SVIL: variants seen among roughly 807,000 people sequenced by gnomAD.
SVIL encodes supervillin.
Under a neutral mutation model 240.4 loss-of-function variants are expected in SVIL, and 101 were observed. The ratio of observed to expected loss-of-function variants is 0.42; its 90% confidence interval spans 0.36 to 0.50. The LOEUF (loss-of-function observed/expected upper bound fraction) is 0.50, where lower values mean the gene tolerates loss of function less well. Ranked by LOEUF, SVIL falls within the 20% of genes least tolerant of loss-of-function variation. The pLI is 0.01. For synonymous variants in SVIL, 999 were observed against 1,100.0 expected (o/e 0.91, Z 1.82); for missense variants, 2,512 against 2,818.7 (o/e 0.89, Z 2.46).
chr10:29,550,484 A>C (rs1953202199), intron 6 of SVIL, 113 bp downstream of exon 6: 1 of 1,197,604 alleles, frequency 8.4e-7, no homozygotes, highest in East Asian at 2.6e-5. Context: ...ATATTTCTCC[A>C]ATAAGCCTTG....
chr10:29,736,624 C>T (rs1282580163), upstream of SVIL: 1 of 152,534 alleles, frequency 6.6e-6, no homozygotes, highest in Non-Finnish European at 1.5e-5. Flanking sequence ...CGAGACCTTC[C>T]CGGGGGTGCG....
chr10:29,519,295 A>G (rs1950416959), intron 16 of SVIL, among the ~76,000 whole-genome samples: 1 of 152,078 alleles, frequency 6.6e-6, no homozygotes, highest in Non-Finnish European at 1.5e-5. Context: ...CTCACCATGG[A>G]CCAGGGGAGA....
At chr10:29,513,915 C>T (rs1442498963) in intron 16 of SVIL, among the ~76,000 whole-genome samples, 1 of 150,632 alleles carries the variant, frequency 6.6e-6, no homozygotes, top group Non-Finnish European at 1.5e-5. Flanking sequence ...TTTCAGCTAA[C>T]TGTATTGCAT....
At chr10:29,717,895 C>T (rs1963724809) in intron 1 of SVIL, among the ~76,000 whole-genome samples, 1 of 151,802 alleles carries the variant, frequency 6.6e-6, no homozygotes, top group South Asian at 2.1e-4. Flanking sequence ...TATCTGATAG[C>T]TATAACATAC....
chr10:29,512,788 C>T lies in SVIL; in HGVS notation c.3463G>A (p.Ala1155Thr). The part of the protein sequence containing the change: ...RLSRRQEGGK[A>T]PASSLHTQEA... ...TGGGTGTGCAGGCTGCTGGCCGGCG[C>T]CTTGCCGCCCTCCTGCCTCCTGCTG... Residue 1155 changes from alanine to threonine, a missense_variant, in exon 17 of 38, where the codon GCG becomes ACG. This residue lies in a region of SVIL where 1,443 missense variants were observed against 1,486.6 expected (regional missense o/e 0.97). Transcript: ENST00000355867. The T allele has an allele frequency of 6.2e-7, 1 of 1,613,596 alleles. No homozygotes were observed. Among genetic ancestry groups the T allele is most frequent in the Non-Finnish European group, 8.5e-7 (1 of 1,180,030 alleles).
At position 29,498,254 on chromosome 10, in the gene SVIL, T is replaced by C. The variant is rs148387065; in HGVS notation, c.3664+862A>G. 4.7e-3 allele frequency among the ~76,000 whole-genome samples: 714 copies of C among 151,338 alleles called. 6 individuals are homozygous for C. The highest frequency in any genetic ancestry group is 0.017 in the African/African-American group (685 of 41,210). On this transcript the variant is annotated intron_variant, in intron 18 of 37. Coordinates refer to ENST00000355867, the MANE Select transcript of SVIL (RefSeq NM_021738.3). ...CCACATGGTGAAACTCCGTCTGTAT[T>C]AAAAAGATGAAAAATTAGCCAGGCA...
At chr10:29,622,600 C>T (rs1172843911) in intron 1 of SVIL, among the ~76,000 whole-genome samples, 1 of 152,180 alleles carries the variant, frequency 6.6e-6, no homozygotes, top group Non-Finnish European at 1.5e-5. Flanking sequence ...CACATCACAG[C>T]CCTGGTTCCC....
intron 1 of SVIL, among the ~76,000 whole-genome samples, chr10:29,601,204 T>C (rs1046307376): frequency 3.9e-5 from 6 of 152,134 alleles, no homozygotes; most frequent in Non-Finnish European, 5.9e-5. Flanking sequence ...AAAAAAAATT[T>C]CCCCCTGGAT....
chr10:29,540,241 G>A (rs913774678), intron 6 of SVIL, among the ~76,000 whole-genome samples: 3 of 152,106 alleles, frequency 2.0e-5, no homozygotes, highest in Non-Finnish European at 4.4e-5. Flanking sequence ...TCCCCGATCT[G>A]TGGTCTCACT....
At position 29,488,645 on chromosome 10, in the gene SVIL, T is replaced by C. The variant is rs775792046; in HGVS notation, c.4304A>G (p.Asn1435Ser). ...CAGCCTCTTGTAGGGCACGGCGCTG[T>C]TGTTAGAGTTCTGTTCCGTCAGGTT... Reference protein sequence around the residue: ...SVNLTEQNSNNSAVPYKRLML... With the variant: ...SVNLTEQNSNSSAVPYKRLML... The change falls in exon 23 of 38, where the codon AAC becomes AGC. Residue 1435 changes from asparagine (N) to serine (S), a missense_variant. Asn to Ser is a conservative substitution (Grantham distance 46). Coordinates refer to ENST00000355867, the MANE Select transcript of SVIL (RefSeq NM_021738.3). The C allele has an allele frequency of 1.2e-6, 2 of 1,612,618 alleles. No individual in the cohort carries two copies. Among genetic ancestry groups the C allele is most frequent in the Admixed American group, 1.7e-5 (1 of 59,756 alleles).
chr10:29,718,086 G>C (rs1963738395), intron 1 of SVIL, among the ~76,000 whole-genome samples: 1 of 152,088 alleles, frequency 6.6e-6, no homozygotes, highest in Non-Finnish European at 1.5e-5. Flanking sequence ...CCAGCACTTT[G>C]GGAGGCCGAG....
chr10:29,709,706 G>T (rs80002021), intron 1 of SVIL, among the ~76,000 whole-genome samples: 2,255 of 152,268 alleles, frequency 0.015, 38 homozygotes, highest in East Asian at 0.088. Context: ...GTGGTTCCCG[G>T]TAAGTCTGGC....
In SVIL at chr10:29,551,108, C is replaced by T; in HGVS notation, c.316G>A (p.Ala106Thr). Residue 106 changes from alanine to threonine, a missense_variant, in exon 6 of 38, where the codon GCA becomes ACA. Coordinates refer to ENST00000355867, the MANE Select transcript of SVIL (RefSeq NM_021738.3). ...CGCCTTCTTTCTGCTTTGTACCTTG[C>T]AATTCTTTCGGCTTTGGACTCCAGA... ...HSLESKAERI[A>T]RYKAERRRQL... 1.2e-6 allele frequency: 2 copies of T among 1,614,200 alleles called. No homozygotes were observed. The highest frequency in any genetic ancestry group is 8.5e-7 in the Non-Finnish European group (1 of 1,180,042).
intron 1 of SVIL, among the ~76,000 whole-genome samples, chr10:29,702,175 C>CAAAA (rs60338711): frequency 7.0e-4 from 43 of 61,606 alleles, no homozygotes; most frequent in African/African-American, 1.5e-3. Context: ...ACTCCATCTC[C>CAAAA]AAAAAAAAAA....
chr10:29,623,017 A>AGT (rs538331912), intron 1 of SVIL, among the ~76,000 whole-genome samples: 224 of 152,072 alleles, frequency 1.5e-3, no homozygotes, highest in South Asian at 1.0e-2. Flanking sequence ...TGTGTGTGCG[A>AGT]GTGTGTGTGT....
chr10:29,569,292 T>A lies in SVIL; in HGVS notation c.-180A>T, dbSNP rs1955259435. 4 of 985,848 alleles carry A rather than the reference T, an allele frequency of 4.1e-6. No homozygotes were observed. In the South Asian group the frequency reaches 1.9e-4, roughly 46 times the overall value. The allele number at this position is 985,848 out of a possible 1,614,324, so 61.1% of individuals were successfully genotyped here. On this transcript the variant is annotated 5_prime_UTR_variant, in exon 2 of 38. It adds an upstream start codon to the 5' untranslated region. Transcript: ENST00000355867. ...CTTTGACGTGGGAATCCAAGGAAGC[T>A]TAAGTTTTTCTTGTTGAAATCTAAG... is the stretch of plus-strand genomic sequence containing the variant.
chr10:29,693,779 CA>C lies in SVIL; in HGVS notation c.-399-7129del, dbSNP rs538570261. On this transcript the variant is annotated intron_variant, in intron 1 of 35. Transcript: ENST00000375400. ...AGGATACTAATAGCTACTACCAAAA[CA>C]GTGGAAAAATAATACGTGTTTGGCC... Among the ~76,000 whole-genome samples the C allele has an allele frequency of 7.8e-3, 1,184 of 152,310 alleles. 11 individuals carry two copies. The highest frequency in any genetic ancestry group is 0.017 in the Middle Eastern group (5 of 294).
intron 1 of SVIL, among the ~76,000 whole-genome samples, chr10:29,711,012 A>G (rs1963234906): frequency 6.6e-6 from 1 of 152,224 alleles, no homozygotes; most frequent in African/African-American, 2.4e-5. Context: ...GCAATAGACA[A>G]ATGCGTTAAA....
At chr10:29,569,343 A>G (rs1410848119) in intron 1 of SVIL, 31 bp from the exon 2 acceptor site, 1 of 957,896 alleles carries the variant, frequency 1.0e-6, no homozygotes, top group East Asian at 1.1e-4. Context: ...TAACATTGAA[A>G]TAGTTATGCA....
Sources: allele counts gnomAD v4.1 joint callset (sites outside exome capture counted in the v4.1 genomes callset), GRCh38; gene constraint gnomAD v4.1.1; regional missense constraint gnomAD v4.1.1; transcripts MANE v1.5; gene names NCBI Gene and HGNC (gene_info 2026-07-23, HGNC 2026-07-21).